The following ALK variants were observed in gnomAD, a reference collection of about 807,000 sequenced individuals.
ALK encodes the protein ALK tyrosine kinase receptor.
Under a neutral mutation model 163.1 loss-of-function variants are expected in ALK, and 74 were observed. The ratio of observed to expected loss-of-function variants is 0.45; its 90% confidence interval spans 0.38 to 0.55. The LOEUF is 0.55. Among genes scored for constraint, ALK ranks in the 20% least tolerant of loss-of-function variants. The pLI is 0.00. For synonymous variants in ALK, 960 were observed against 843.2 expected, an observed-to-expected ratio of 1.14 and a Z score of -2.40; for missense variants, 2,063 against 2,105.3, an observed-to-expected ratio of 0.98 and a Z score of 0.39.
chr2:29,563,666 C>A (rs1260523324), intron 3 of ALK, among the ~76,000 whole-genome samples: 1 of 152,144 alleles, frequency 6.6e-6, no homozygotes, highest in Admixed American at 6.5e-5. Context: ...GCTCCTGACC[C>A]CCAACTCTCA....
intron 4 of ALK, among the ~76,000 whole-genome samples, chr2:29,465,064 G>A (rs1044813745): frequency 7.9e-5 from 12 of 152,270 alleles, no homozygotes; most frequent in African/African-American, 2.4e-4. Flanking sequence ...TAAGTTCACA[G>A]AGCCAAGATG....
intron 7 of ALK, 27 bp from the exon 8 acceptor site, chr2:29,318,431 C>T: frequency 3.9e-6 from 6 of 1,535,666 alleles, no homozygotes; most frequent in Non-Finnish European, 5.4e-6. Context: ...GAATCACAAG[C>T]ACGCCATTAT....
chr2:29,432,806 A>G (rs1310796661), intron 4 of ALK, among the ~76,000 whole-genome samples: 1 of 150,794 alleles, frequency 6.6e-6, no homozygotes, highest in African/African-American at 2.4e-5. Flanking sequence ...TCATCTAAAC[A>G]TTTGTCTAAA....
intron 3 of ALK, among the ~76,000 whole-genome samples, chr2:29,646,800 T>C (rs370421450): frequency 3.3e-5 from 5 of 152,138 alleles, no homozygotes; most frequent in East Asian, 3.9e-4. Flanking sequence ...CTTTCAAAAA[T>C]TGCACCACAC....
chr2:29,381,308 T>C (rs932896256), intron 5 of ALK, among the ~76,000 whole-genome samples: 4 of 152,276 alleles, frequency 2.6e-5, no homozygotes, highest in African/African-American at 9.6e-5. Context: ...GCTCTGTCAA[T>C]GTTAGCTTTT....
intron 1 of ALK, among the ~76,000 whole-genome samples, chr2:29,743,605 C>T (rs1183087322): frequency 1.3e-5 from 2 of 152,158 alleles, no homozygotes; most frequent in Non-Finnish European, 2.9e-5. Flanking sequence ...TGACAAAGTC[C>T]CTGAACATGA....
chr2:29,799,571 G>C (rs908142474), intron 1 of ALK, among the ~76,000 whole-genome samples: 2 of 152,130 alleles, frequency 1.3e-5, no homozygotes, highest in Non-Finnish European at 1.5e-5. Context: ...TATAGTCCTA[G>C]CTACTCAAGA....
intron 12 of ALK, among the ~76,000 whole-genome samples, chr2:29,249,040 C>A (rs1664754746): frequency 6.6e-6 from 1 of 152,246 alleles, no homozygotes; most frequent in Admixed American, 6.5e-5. Flanking sequence ...TTGTGCCAGG[C>A]ACTATATGTC....
intron 4 of ALK, among the ~76,000 whole-genome samples, chr2:29,491,555 G>C (rs971763296): frequency 4.6e-5 from 7 of 152,130 alleles, no homozygotes; most frequent in African/African-American, 1.7e-4. Flanking sequence ...TTCTAAAATT[G>C]ATGTTGAATA....
chr2:29,857,253 G>T (rs1312639152), intron 1 of ALK, among the ~76,000 whole-genome samples: 1 of 152,130 alleles, frequency 6.6e-6, no homozygotes, highest in Non-Finnish European at 1.5e-5. Flanking sequence ...GGCAGAGAAA[G>T]GTAGAAAAGT....
At chr2:29,779,844 T>G (rs1187244183) in intron 1 of ALK, among the ~76,000 whole-genome samples, 1 of 152,204 alleles carries the variant, frequency 6.6e-6, no homozygotes, top group Non-Finnish European at 1.5e-5. Flanking sequence ...TCATTGTGCC[T>G]TCATTCTCCA....
chr2:29,504,321 AT>A (rs993355531), intron 4 of ALK, among the ~76,000 whole-genome samples: 1 of 152,048 alleles, frequency 6.6e-6, no homozygotes, highest in African/African-American at 2.4e-5. Context: ...TTAGGCTGAG[AT>A]TTTTTTCTGA....
chr2:29,777,198 G>GA (rs1432120956), intron 1 of ALK, among the ~76,000 whole-genome samples: 1 of 152,164 alleles, frequency 6.6e-6, no homozygotes, highest in Non-Finnish European at 1.5e-5. Flanking sequence ...TCATCCAGGA[G>GA]AAAATCAGAA....
intron 1 of ALK, among the ~76,000 whole-genome samples, chr2:29,860,907 T>G (rs1666271757): frequency 6.6e-6 from 1 of 152,068 alleles, no homozygotes; most frequent in Non-Finnish European, 1.5e-5. Context: ...CATATCTACA[T>G]TAAAAAAGAA....
At chr2:29,469,611 T>C (rs978908358) in intron 4 of ALK, among the ~76,000 whole-genome samples, 8 of 152,176 alleles carry the variant, frequency 5.3e-5, no homozygotes, top group African/African-American at 1.9e-4. Context: ...CTCCTTGACA[T>C]TGAAGTTCCC....
intron 3 of ALK, among the ~76,000 whole-genome samples, chr2:29,643,248 T>C (rs971875086): frequency 6.6e-6 from 1 of 152,218 alleles, no homozygotes; most frequent in African/African-American, 2.4e-5. Context: ...GGGCTGGTAC[T>C]GGGAAGCAAG....
chr2:29,755,086 C>T (rs1680478040), intron 1 of ALK, among the ~76,000 whole-genome samples: 1 of 151,464 alleles, frequency 6.6e-6, no homozygotes, highest in Non-Finnish European at 1.5e-5. Context: ...TCTAAGGGTA[C>T]CAACTCTGGG....
chr2:29,595,367 C>A (rs577334494), intron 3 of ALK, among the ~76,000 whole-genome samples: 35 of 146,256 alleles, frequency 2.4e-4, no homozygotes, highest in Admixed American at 1.8e-3. Flanking sequence ...GTCACCCAGG[C>A]TGGGGTCCAG....
chr2:29,799,196 ATTTGTTTCCACTTCTCTT>A (rs1664399476), intron 1 of ALK, among the ~76,000 whole-genome samples: 1 of 152,160 alleles, frequency 6.6e-6, no homozygotes, highest in Non-Finnish European at 1.5e-5. Flanking sequence ...CTTCTCTATC[ATTTGTTTCCACTTCTCTT>A]TTGAGTGTTG....
Sources: allele counts gnomAD v4.1 joint callset (sites outside exome capture counted in the v4.1 genomes callset), GRCh38; gene constraint gnomAD v4.1.1; transcripts MANE v1.5; gene names NCBI Gene and HGNC (gene_info 2026-07-23, HGNC 2026-07-21).